Variants in PSMD10 observed in about 807,000 individuals in gnomAD.
PSMD10 encodes the protein proteasome 26S subunit, non-ATPase 10.
In PSMD10, 2 loss-of-function variants were observed where a neutral mutation model predicts 13.2. The ratio of observed to expected loss-of-function variants is 0.15; its 90% CI spans 0.06 to 0.48. The LOEUF (loss-of-function observed/expected upper bound fraction) is 0.48. Among genes scored for constraint, PSMD10 ranks in the 20% least tolerant of loss-of-function variants. PSMD10 has a pLI of 0.97. For missense variants in PSMD10, 120 were observed against 167.4 expected (o/e 0.72, Z 1.56); for synonymous variants, 66 against 64.4 (o/e 1.03, Z -0.12).
rs2031513380 is a variant in PSMD10, at chrX:108,087,705, T to C, written c.508A>G (p.Thr170Ala). 1 of 1,209,810 alleles carries C rather than the reference T, an allele frequency of 8.3e-7. No individual in the cohort carries two copies. Among genetic ancestry groups the C allele is most frequent in the African/African-American group, 1.7e-5 (1 of 57,733 alleles). Reference protein sequence around the residue: ...YYKASTNIQDTEGNTPLHLAC... With the variant: ...YYKASTNIQDAEGNTPLHLAC... ...ACTTACAGAGGAGTGTTACCCTCAG[T>C]GTCTTGGATGTTTGTGGATGCTTTG... Residue 170 changes from threonine to alanine, a missense_variant, in exon 4 of 5, where the codon ACT becomes GCT. Transcript: ENST00000217958.
At chrX:108,085,187 A>G in intron 4 of PSMD10, 60 bp from the exon 5 acceptor site, 1 of 1,044,735 alleles carries the variant, frequency 9.6e-7, no homozygotes, top group Middle Eastern at 2.7e-4. Context: ...AATGGTTAGG[A>G]TTTCTTGCTA....
At chrX:108,090,746 CAGAA>C (rs1438039219) in intron 1 of PSMD10, among the ~76,000 whole-genome samples, 1 of 112,196 alleles carries the variant, frequency 8.9e-6, no homozygotes, top group Non-Finnish European at 1.9e-5. Context: ...AGCAGGAGGG[CAGAA>C]AGAAACACTT....
chrX:108,091,385 G>A, intron 1 of PSMD10, 22 bp downstream of exon 1: 2 of 1,195,395 alleles, frequency 1.7e-6, no homozygotes, highest in Non-Finnish European at 2.3e-6. Flanking sequence ...GCCGACTGCG[G>A]AGAGACCTAG....
intron 2 of PSMD10, chrX:108,088,365 T>G: frequency 2.9e-6 from 1 of 346,189 alleles, no homozygotes; most frequent in Non-Finnish European, 5.0e-6. Context: ...ATAGAAAGAG[T>G]TTATGGTCTT....
intron 1 of PSMD10, 148 bp from the exon 2 acceptor site, chrX:108,088,998 C>T: frequency 2.5e-6 from 1 of 392,893 alleles, no homozygotes. Context: ...ATATTACTTA[C>T]TGGTATAAGA....
intron 1 of PSMD10, among the ~76,000 whole-genome samples, chrX:108,090,507 G>T (rs1325210590): frequency 8.9e-6 from 1 of 111,909 alleles, no homozygotes; most frequent in Non-Finnish European, 1.9e-5. Flanking sequence ...GTAAAGATAA[G>T]GCCATTTTCA....
At chrX:108,088,260 C>T (rs1461293954) in intron 2 of PSMD10, among the ~76,000 whole-genome samples, 161 bp from the exon 3 acceptor site, 1 of 111,796 alleles carries the variant, frequency 8.9e-6, no homozygotes, top group African/African-American at 3.3e-5. Context: ...CTAATATAAC[C>T]ATATCATTAG....
chrX:108,091,362 C>T, intron 1 of PSMD10, 45 bp downstream of exon 1: 1 of 1,153,464 alleles, frequency 8.7e-7, no homozygotes, highest in Non-Finnish European at 1.2e-6. Context: ...CCACGTAGGG[C>T]TTCGCCGACG....
At chrX:108,087,890 A>G in intron 3 of PSMD10, 38 bp from the exon 4 acceptor site, 1 of 1,211,832 alleles carries the variant, frequency 8.3e-7, no homozygotes, top group Non-Finnish European at 1.1e-6. Context: ...ACAATGCAGA[A>G]ATCTATCTGT....
chrX:108,088,770 T>C lies in PSMD10; in HGVS notation c.195A>G (p.Pro65=). ...IVEFLLQLGV[P]VNDKDDAGWS... The stretch of plus-strand genomic sequence containing the variant: ...TACTCACATCGTCTTTATCATTCAC[T>C]GGCACTCCAAGTTGCAACAAAAATT... Residue 65 remains proline, a synonymous_variant, in exon 2 of 5, where the codon CCA becomes CCG. Transcript: ENST00000217958. 1 of 1,204,145 alleles carries C rather than the reference T, an allele frequency of 8.3e-7. No individual in the cohort carries two copies. Among genetic ancestry groups the C allele is most frequent in the Admixed American group, 2.2e-5 (1 of 46,019 alleles).
At position 108,087,720 on chromosome X, in the gene PSMD10, T is replaced by C. The variant is rs1391894495; in HGVS notation, c.493A>G (p.Thr165Ala). 1 of 1,211,625 alleles carries C rather than the reference T, an allele frequency of 8.3e-7. No individual in the cohort carries two copies. Among genetic ancestry groups the C allele is most frequent in the East Asian group, 3.0e-5 (1 of 33,859 alleles). ...IHILLYYKAS[T>A]NIQDTEGNTP... is the part of the protein sequence containing the mutation. ...TTACCCTCAGTGTCTTGGATGTTTG[T>C]GGATGCTTTGTAGTACAGAAGGATA... is the stretch of plus-strand genomic sequence containing the variant. The change falls in exon 4 of 5, where the codon ACA becomes GCA. Residue 165 changes from threonine (T) to alanine (A), a missense_variant. Thr to Ala is a moderately conservative substitution (Grantham distance 58, BLOSUM62 0). Transcript: ENST00000217958.
chrX:108,087,896 T>C (rs200983109), intron 3 of PSMD10, 44 bp from the exon 4 acceptor site: 4 of 1,210,304 alleles, frequency 3.3e-6, no homozygotes, highest in African/African-American at 1.7e-5. Context: ...CAGAAATCTA[T>C]CTGTGTTTGT....
intron 4 of PSMD10, among the ~76,000 whole-genome samples, chrX:108,085,390 A>G (rs970075990): frequency 7.8e-4 from 88 of 112,518 alleles, no homozygotes; most frequent in African/African-American, 2.8e-3. Flanking sequence ...CCTAAGGAAC[A>G]ACTTTCTCAT....
intron 4 of PSMD10, among the ~76,000 whole-genome samples, chrX:108,085,870 T>G (rs181102867): frequency 4.1e-4 from 46 of 111,864 alleles, no homozygotes; most frequent in African/African-American, 1.4e-3. Flanking sequence ...ATATTGTTAG[T>G]AAGTGGTAGA....
intron 1 of PSMD10, among the ~76,000 whole-genome samples, chrX:108,089,509 C>A (rs1446411476): frequency 8.9e-6 from 1 of 112,261 alleles, no homozygotes; most frequent in Non-Finnish European, 1.9e-5. Flanking sequence ...ACACAACACA[C>A]AGAAAACAAG....
At chrX:108,090,792 C>G (rs2031588885) in intron 1 of PSMD10, among the ~76,000 whole-genome samples, 1 of 112,517 alleles carries the variant, frequency 8.9e-6, no homozygotes, top group Non-Finnish European at 1.9e-5. Context: ...CTTAGAATGT[C>G]CACTCATTCC....
chrX:108,090,846 C>T (rs887987753), intron 1 of PSMD10, among the ~76,000 whole-genome samples: 3 of 112,725 alleles, frequency 2.7e-5, no homozygotes, highest in African/African-American at 6.5e-5. Context: ...ACTAACCTTC[C>T]CTTCTTTGCA....
At chrX:108,087,605 A>G in intron 4 of PSMD10, 81 bp downstream of exon 4, 1 of 1,115,514 alleles carries the variant, frequency 9.0e-7, no homozygotes, top group Non-Finnish European at 1.2e-6. Flanking sequence ...TAAGCAGAAT[A>G]AAAAAAGAAA....
At chrX:108,088,130 G>C (rs372147829) in intron 2 of PSMD10, 31 bp from the exon 3 acceptor site, 53 of 1,164,087 alleles carry the variant, frequency 4.6e-5, no homozygotes, top group Non-Finnish European at 5.8e-5. Context: ...AGAAATACCA[G>C]GGGAAAAAGG....
Sources: allele counts gnomAD v4.1 joint callset (sites outside exome capture counted in the v4.1 genomes callset), GRCh38; gene constraint gnomAD v4.1.1; transcripts MANE v1.5; gene names NCBI Gene and HGNC (gene_info 2026-07-23, HGNC 2026-07-21).